LUZP2: variants seen among roughly 807,000 people sequenced by gnomAD.
The protein encoded by LUZP2 is leucine zipper protein 2.
In LUZP2, 52 loss-of-function variants were observed where a neutral mutation model predicts 51.6. That is an observed-to-expected ratio of 1.01 (90% CI 0.81 to 1.27). LUZP2 has a LOEUF of 1.27. Among genes scored for constraint, LUZP2 ranks in the 50% most tolerant of loss-of-function variants. The pLI is 0.00. For synonymous variants in LUZP2, 154 were observed against 137.3 expected, an observed-to-expected ratio of 1.12 and a Z score of -0.85; for missense variants, 436 against 395.4, an observed-to-expected ratio of 1.10 and a Z score of -0.87.
intron 5 of LUZP2, among the ~76,000 whole-genome samples, chr11:24,809,493 T>C (rs1474416743): frequency 6.6e-6 from 1 of 152,128 alleles, no homozygotes; most frequent in Non-Finnish European, 1.5e-5. Context: ...ATACCTCCTA[T>C]AAGTGCAAGT....
chr11:24,500,470 T>C (rs926729718), intron 1 of LUZP2, among the ~76,000 whole-genome samples: 1 of 152,210 alleles, frequency 6.6e-6, no homozygotes, highest in African/African-American at 2.4e-5. Context: ...TGTTGTATAG[T>C]ATTAAATTGC....
At chr11:24,851,246 G>T (rs553763656) in intron 5 of LUZP2, among the ~76,000 whole-genome samples, 1 of 152,194 alleles carries the variant, frequency 6.6e-6, no homozygotes, top group East Asian at 1.9e-4. Flanking sequence ...ATTGGCTGTG[G>T]GTTTGTGATA....
At chr11:24,720,057 ATAT>A (rs1417821027) in intron 1 of LUZP2, among the ~76,000 whole-genome samples, 2 of 152,232 alleles carry the variant, frequency 1.3e-5, no homozygotes, top group Middle Eastern at 3.2e-3. Flanking sequence ...AAATTATTAA[ATAT>A]TATGTAATTT....
rs188169989 is a variant in LUZP2 at position 24,899,202 on chromosome 11, A to G, written c.397-6789A>G. 3.9e-5 allele frequency among the ~76,000 whole-genome samples: 6 copies of G among 152,164 alleles called. No homozygotes were observed. In the East Asian group the frequency reaches 1.2e-3, roughly 29 times the overall value. ...TTTTTTGATTCATTTACACCAAATT[A>G]TGTGTCTTTTATAATTTTATAATGG... On this transcript the variant is annotated intron_variant, in intron 5 of 11. Coordinates refer to ENST00000336930, the MANE Select transcript of LUZP2 (RefSeq NM_001009909.4).
intron 1 of LUZP2, among the ~76,000 whole-genome samples, chr11:24,645,502 G>A (rs1855436223): frequency 6.6e-6 from 1 of 152,104 alleles, no homozygotes; most frequent in South Asian, 2.1e-4. Context: ...ATAGCAATGG[G>A]GAAACCTCTA....
At chr11:24,596,315 A>T (rs992305300) in intron 1 of LUZP2, among the ~76,000 whole-genome samples, 2 of 152,206 alleles carry the variant, frequency 1.3e-5, no homozygotes, top group African/African-American at 2.4e-5. Flanking sequence ...TAAGATGTAA[A>T]ATCAGCTTTC....
At chr11:24,709,045 T>C (rs1857722564) in intron 1 of LUZP2, among the ~76,000 whole-genome samples, 1 of 152,120 alleles carries the variant, frequency 6.6e-6, no homozygotes, top group Non-Finnish European at 1.5e-5. Flanking sequence ...CATCTAGAAG[T>C]AGAAAGAGTT....
At chr11:24,604,685 T>C (rs564020979) in intron 1 of LUZP2, among the ~76,000 whole-genome samples, 3 of 151,942 alleles carry the variant, frequency 2.0e-5, no homozygotes, top group Admixed American at 2.0e-4. Flanking sequence ...TATTTAACTT[T>C]ACAGTCTTTT....
chr11:24,600,261 G>A (rs1853582944), intron 1 of LUZP2, among the ~76,000 whole-genome samples: 2 of 151,336 alleles, frequency 1.3e-5, no homozygotes, highest in South Asian at 4.2e-4. Flanking sequence ...ACACACAGAA[G>A]GAAGAAAGCC....
intron 6 of LUZP2, among the ~76,000 whole-genome samples, chr11:24,910,350 G>C (rs866309633): frequency 6.6e-6 from 1 of 152,262 alleles, no homozygotes; most frequent in Non-Finnish European, 1.5e-5. Flanking sequence ...AGACAATGGG[G>C]AAAATGTCTC....
chr11:25,038,106 C>T (rs1857920980), intron 9 of LUZP2, among the ~76,000 whole-genome samples: 1 of 151,596 alleles, frequency 6.6e-6, no homozygotes, highest in East Asian at 1.9e-4. Context: ...ACATATTGTC[C>T]AAGTGGCTTT....
At chr11:24,715,788 G>T (rs747788812) in intron 1 of LUZP2, among the ~76,000 whole-genome samples, 5 of 151,996 alleles carry the variant, frequency 3.3e-5, no homozygotes, top group Non-Finnish European at 5.9e-5. Context: ...GTTGATTAGG[G>T]ATACTTCATT....
At chr11:24,667,355 T>G (rs1856250730) in intron 1 of LUZP2, among the ~76,000 whole-genome samples, 1 of 151,956 alleles carries the variant, frequency 6.6e-6, no homozygotes, top group African/African-American at 2.4e-5. Flanking sequence ...GGCTAATTTT[T>G]TTTGTATTTG....
At chr11:25,015,382 C>A (rs932969883) in intron 9 of LUZP2, among the ~76,000 whole-genome samples, 2 of 152,202 alleles carry the variant, frequency 1.3e-5, no homozygotes, top group South Asian at 4.1e-4. Flanking sequence ...ATACTATTAC[C>A]AAACTACAGA....
chr11:24,832,606 A>G (rs1237377368), intron 5 of LUZP2, among the ~76,000 whole-genome samples: 2 of 151,834 alleles, frequency 1.3e-5, no homozygotes, highest in East Asian at 1.9e-4. Flanking sequence ...TGCAAAAATC[A>G]CTAGTATCCT....
chr11:25,045,034 G>A (rs1164790402), intron 9 of LUZP2, among the ~76,000 whole-genome samples: 1 of 84,248 alleles, frequency 1.2e-5, no homozygotes, highest in African/African-American at 5.0e-5. Flanking sequence ...ACAGGAAGGG[G>A]AACATCACAC....
intron 9 of LUZP2, among the ~76,000 whole-genome samples, chr11:25,045,195 C>T (rs1276037216): frequency 6.6e-6 from 1 of 151,506 alleles, no homozygotes; most frequent in Non-Finnish European, 1.5e-5. Context: ...TGCCCTAAAA[C>T]TTAAAGTAGA....
intron 5 of LUZP2, among the ~76,000 whole-genome samples, chr11:24,857,306 T>C (rs5011178): frequency 4.7e-5 from 2 of 42,788 alleles, no homozygotes; most frequent in African/African-American, 9.1e-5. Flanking sequence ...TATATATACA[T>C]ATATATACAC....
intron 7 of LUZP2, among the ~76,000 whole-genome samples, chr11:24,928,746 T>G (rs574066265): frequency 1.1e-4 from 17 of 152,240 alleles, no homozygotes; most frequent in Middle Eastern, 3.4e-3. Flanking sequence ...ATTCATAGAA[T>G]GATTTAGAGT....
Sources: allele counts gnomAD v4.1 joint callset (sites outside exome capture counted in the v4.1 genomes callset), GRCh38; gene constraint gnomAD v4.1.1; transcripts MANE v1.5; gene names NCBI Gene and HGNC (gene_info 2026-07-23, HGNC 2026-07-21).